Variants in TTC33 observed in about 807,000 individuals in gnomAD.
TTC33 encodes the protein tetratricopeptide repeat domain 33.
TTC33 carries 24 observed loss-of-function variants against 29.4 expected under a neutral mutation model. The ratio of observed to expected loss-of-function variants is 0.82; its 90% CI spans 0.59 to 1.15. The LOEUF (loss-of-function observed/expected upper bound fraction) is 1.15, where lower values mean the gene tolerates loss of function less well. Ranked by LOEUF, TTC33 falls within the 50% of genes most tolerant of loss-of-function variation. The probability of loss-of-function intolerance (pLI) is 0.00; values close to 1 mark genes in which losing one functional copy is unlikely to be tolerated. For synonymous variants in TTC33, 107 were observed against 100.3 expected (o/e 1.07, Z -0.40); for missense variants, 286 against 310.4 (o/e 0.92, Z 0.59).
chr5:40,734,616 T>C (rs1432492790), intron 2 of TTC33, among the ~76,000 whole-genome samples: 1 of 152,230 alleles, frequency 6.6e-6, no homozygotes, highest in African/African-American at 2.4e-5. Flanking sequence ...TCAATGTGTT[T>C]AGCTACTTTA....
At chr5:40,731,197 G>C (rs536725038) in intron 2 of TTC33, among the ~76,000 whole-genome samples, 58 of 152,108 alleles carry the variant, frequency 3.8e-4, no homozygotes, top group Non-Finnish European at 7.5e-4. Context: ...AATTCTGCAA[G>C]ACTTAATAGT....
chr5:40,741,154 G>A (rs955734567), intron 2 of TTC33, among the ~76,000 whole-genome samples: 1 of 152,174 alleles, frequency 6.6e-6, no homozygotes, highest in African/African-American at 2.4e-5. Context: ...TATTTTAAAT[G>A]TTACACTGTT....
At position 40,713,679 on chromosome 5, in the gene TTC33, G is replaced by T. The variant is rs1044241655; in HGVS notation, c.*2466C>A. On this transcript the variant is annotated 3_prime_UTR_variant, in exon 5 of 5. Coordinates refer to ENST00000337702, the MANE Select transcript of TTC33 (RefSeq NM_012382.3). ...TGTCTAGACACTCTGACTAATGAGTGTCTATGCCATACAATTCTCAAACAA... is the reference window on the plus strand; with the variant it reads ...TGTCTAGACACTCTGACTAATGAGTTTCTATGCCATACAATTCTCAAACAA... 3.9e-5 allele frequency among the ~76,000 whole-genome samples: 6 copies of T among 152,138 alleles called. No individual in the cohort carries two copies. The highest frequency in any genetic ancestry group is 8.8e-5 in the Non-Finnish European group (6 of 68,016).
intron 2 of TTC33, among the ~76,000 whole-genome samples, chr5:40,746,002 G>A (rs837106): frequency 0.67 from 101,885 of 151,866 alleles, 34,307 homozygotes; most frequent in East Asian, 0.8. Context: ...TCTATTAATT[G>A]CATAGTTTTA....
At position 40,749,655 on chromosome 5, in the gene TTC33, G is replaced by A. The variant is rs111512620; in HGVS notation, c.-1-2636C>T. 1.7e-3 allele frequency among the ~76,000 whole-genome samples: 260 copies of A among 152,218 alleles called. 1 individual carries two copies. The highest frequency in any genetic ancestry group is 5.8e-3 in the African/African-American group (242 of 41,512). ...CAGGCCTATCTCAGAGTTGTTGCAC[G>A]GTCAGTTCCAGACCACTGCAATAAA... On this transcript the variant is annotated intron_variant, in intron 1 of 4. Coordinates refer to ENST00000337702, the MANE Select transcript of TTC33 (RefSeq NM_012382.3).
At chr5:40,730,930 T>G (rs1742412611) in intron 2 of TTC33, among the ~76,000 whole-genome samples, 1 of 152,124 alleles carries the variant, frequency 6.6e-6, no homozygotes. Context: ...ATATACAACA[T>G]TAAATAAATT....
Position 40,747,021 on chromosome 5 carries a change from T to C in TTC33, c.-1-2A>G. On this transcript the variant is annotated splice_acceptor_variant, in intron 1 of 4. Coordinates refer to ENST00000337702, the MANE Select transcript of TTC33 (RefSeq NM_012382.3). LOFTEE classifies it low-confidence loss of function (5UTR_SPLICE). ...CTCTTCCACCCAAAGGAAGCCATTCTGGAAAATTACAAAGAAACAGCTTTA... is the reference window on the plus strand; with the variant it reads ...CTCTTCCACCCAAAGGAAGCCATTCCGGAAAATTACAAAGAAACAGCTTTA... The C allele has an allele frequency of 1.2e-6, 2 of 1,602,050 alleles. No homozygotes were observed. Among genetic ancestry groups the C allele is most frequent in the Non-Finnish European group, 1.7e-6 (2 of 1,176,550 alleles).
rs536682218 is a variant in TTC33, at chr5:40,712,442, G to A, written c.*3703C>T. 1.3e-5 allele frequency among the ~76,000 whole-genome samples: 2 copies of A among 152,254 alleles called. No homozygotes were observed. The highest frequency in any genetic ancestry group is 1.3e-4 in the Admixed American group (2 of 15,272). The stretch of plus-strand genomic sequence containing the variant: ...ACCACTTGAGACACAGACAGATGGA[G>A]ATTCAATATTTTAAGTTTACTGCTG... On this transcript the variant is annotated 3_prime_UTR_variant, in exon 5 of 5. Coordinates refer to ENST00000337702, the MANE Select transcript of TTC33 (RefSeq NM_012382.3).
At position 40,722,876 on chromosome 5, in the gene TTC33, C is replaced by T. The variant is rs180826476; in HGVS notation, c.435+5469G>A. Reference sequence around the variant, plus strand: ...CCGGGAGGTGGGGGGCGCCTCCGCCCGGCTGCCCCATCTGGGAAGTGAGGA... The same window carrying T: ...CCGGGAGGTGGGGGGCGCCTCCGCCTGGCTGCCCCATCTGGGAAGTGAGGA... On this transcript the variant is annotated intron_variant, in intron 4 of 4. Coordinates refer to ENST00000337702, the MANE Select transcript of TTC33 (RefSeq NM_012382.3). 6.6e-3 allele frequency among the ~76,000 whole-genome samples: 1,007 copies of T among 151,974 alleles called. 11 individuals carry two copies. The highest frequency in any genetic ancestry group is 0.023 in the African/African-American group (961 of 41,492).
intron 4 of TTC33, among the ~76,000 whole-genome samples, chr5:40,722,120 G>A (rs534008870): frequency 1.3e-5 from 2 of 152,230 alleles, no homozygotes; most frequent in South Asian, 2.1e-4. Context: ...CAGGAGAACC[G>A]CTTAAACCCG....
intron 1 of TTC33, 125 bp from the exon 2 acceptor site, chr5:40,747,144 C>A: frequency 1.3e-6 from 1 of 781,242 alleles, no homozygotes; most frequent in Non-Finnish European, 2.0e-6. Context: ...CCGTAACCTC[C>A]GCCTCCCGGG....
intron 4 of TTC33, among the ~76,000 whole-genome samples, chr5:40,718,283 G>A (rs1377276680): frequency 2.6e-5 from 4 of 152,106 alleles, no homozygotes; most frequent in Non-Finnish European, 5.9e-5. Flanking sequence ...GGTGGTGCCT[G>A]TAATCCCAGC....
intron 1 of TTC33, among the ~76,000 whole-genome samples, chr5:40,749,683 GAAT>G (rs1315073866): frequency 1.3e-5 from 2 of 152,180 alleles, no homozygotes; most frequent in Non-Finnish European, 2.9e-5. Context: ...GCAATAAAGT[GAAT>G]AATACTAAAA....
rs1489380921 is a variant in TTC33 at position 40,715,216 on chromosome 5, A to T, written c.*929T>A. 6.6e-6 allele frequency: 1 copy of T among 152,128 alleles called. No individual in the cohort carries two copies. Among genetic ancestry groups the T allele is most frequent in the African/African-American group, 2.4e-5 (1 of 41,462 alleles). The allele number at this position is 152,128 out of a possible 1,614,324, so 9.4% of individuals were successfully genotyped here. On this transcript the variant is annotated 3_prime_UTR_variant, in exon 5 of 5. Coordinates refer to ENST00000337702, the MANE Select transcript of TTC33 (RefSeq NM_012382.3). ...CATTTCACTGAGTAGTTTCAAAAAA[A>T]GTTATCTAGAAAAGTAATTCCCAGT...
In TTC33 at chr5:40,728,823, T is replaced by C. The variant is rs557748858; in HGVS notation, c.304-347A>G. On this transcript the variant is annotated intron_variant, in intron 3 of 4. Transcript: ENST00000337702. ...AATGTGGTTTTCAGGGAACCCCAGGTATTGCCATTAAACTAGGTGAATTAA... is the reference window on the plus strand; with the variant it reads ...AATGTGGTTTTCAGGGAACCCCAGGCATTGCCATTAAACTAGGTGAATTAA... Among the ~76,000 whole-genome samples the C allele has an allele frequency of 3.8e-4, 58 of 152,334 alleles. 1 individual carries two copies. Among genetic ancestry groups the C allele is most frequent in the African/African-American group, 1.3e-3 (56 of 41,562 alleles).
At chr5:40,739,596 C>T (rs1233866924) in intron 2 of TTC33, among the ~76,000 whole-genome samples, 1 of 152,162 alleles carries the variant, frequency 6.6e-6, no homozygotes, top group African/African-American at 2.4e-5. Flanking sequence ...CCTCCTGCTC[C>T]AGCCATGTGA....
intron 2 of TTC33, among the ~76,000 whole-genome samples, chr5:40,745,162 A>G (rs999160142): frequency 6.6e-6 from 1 of 152,228 alleles, no homozygotes; most frequent in South Asian, 2.1e-4. Context: ...ATAATAACCA[A>G]ATATAATCTG....
At position 40,716,396 on chromosome 5, in the gene TTC33, C is replaced by A. The variant is rs1465018010; in HGVS notation, c.538G>T (p.Val180Leu). 1 of 1,613,984 alleles carries A rather than the reference C, an allele frequency of 6.2e-7. No individual in the cohort carries two copies. Among genetic ancestry groups the A allele is most frequent in the Non-Finnish European group, 8.5e-7 (1 of 1,180,034 alleles). The change falls in exon 5 of 5, where the codon GTA becomes TTA. Residue 180 changes from valine (V) to leucine (L), a missense_variant. By Grantham distance (32) the Val-to-Leu change is conservative. Coordinates refer to ENST00000337702, the MANE Select transcript of TTC33 (RefSeq NM_012382.3). Reference protein sequence around the residue: ...WARTLQEQQKVAQRIKKSEAP... With the variant: ...WARTLQEQQKLAQRIKKSEAP... The stretch of plus-strand genomic sequence containing the variant: ...TCACTTTTTTTAATCCTCTGTGCTA[C>A]CTTCTGCTGCTCCTGGAGCGTTCTT...
In TTC33 at chr5:40,712,211, A is replaced by C. The variant is rs373713028; in HGVS notation, c.*3934T>G. Among the ~76,000 whole-genome samples the C allele has an allele frequency of 1.3e-5, 2 of 152,142 alleles. No individual in the cohort carries two copies. The highest frequency in any genetic ancestry group is 4.1e-4 in the South Asian group (2 of 4,830). On this transcript the variant is annotated 3_prime_UTR_variant, in exon 5 of 5. Coordinates refer to ENST00000337702, the MANE Select transcript of TTC33 (RefSeq NM_012382.3). ...AGCAGACCTTTTAAATATCCTGAACAAATGTTTACCTGTTGCCTTGTAATT... is the reference window on the plus strand; with the variant it reads ...AGCAGACCTTTTAAATATCCTGAACCAATGTTTACCTGTTGCCTTGTAATT...
Sources: allele counts gnomAD v4.1 joint callset (sites outside exome capture counted in the v4.1 genomes callset), GRCh38; gene constraint gnomAD v4.1.1; transcripts MANE v1.5; gene names NCBI Gene and HGNC (gene_info 2026-07-23, HGNC 2026-07-21).